Variants in CALN1 observed in about 807,000 individuals in gnomAD.
The protein encoded by CALN1 is calcium-binding protein 8.
Under a neutral mutation model 30.6 loss-of-function variants are expected in CALN1, and 17 were observed. That is an observed-to-expected ratio of 0.56 (90% CI 0.38 to 0.83). CALN1 has a LOEUF of 0.83. Among genes scored for constraint, CALN1 ranks in the 40% least tolerant of loss-of-function variants. The pLI, the probability that CALN1 is intolerant of heterozygous loss-of-function variation, is 0.00. For synonymous variants in CALN1, 156 were observed against 131.4 expected (o/e 1.19, Z -1.28); for missense variants, 291 against 354.9 (o/e 0.82, Z 1.45).
intron 1 of CALN1, among the ~76,000 whole-genome samples, chr7:72,406,830 G>A (rs1214059436): frequency 2.6e-5 from 4 of 151,918 alleles, no homozygotes; most frequent in African/African-American, 9.7e-5. Context: ...TGGCCAGGCT[G>A]GTCTTGAACT....
chr7:72,083,022 G>A (rs964884289), intron 4 of CALN1, among the ~76,000 whole-genome samples: 11 of 151,946 alleles, frequency 7.2e-5, no homozygotes, highest in East Asian at 1.9e-4. Context: ...CCAACTTGGC[G>A]AAACCCTGTC....
At chr7:71,967,125 C>A (rs1444412753) in intron 5 of CALN1, among the ~76,000 whole-genome samples, 1 of 151,976 alleles carries the variant, frequency 6.6e-6, no homozygotes, top group Non-Finnish European at 1.5e-5. Context: ...AAATATTAAA[C>A]CTAAAACTAT....
At chr7:72,421,520 TTTATC>T (rs1807607356) in intron 1 of CALN1, among the ~76,000 whole-genome samples, 1 of 151,886 alleles carries the variant, frequency 6.6e-6, no homozygotes, top group South Asian at 2.1e-4. Flanking sequence ...TTGTCTTTAT[TTTATC>T]TTATAACAGT....
At chr7:71,886,579 C>T (rs1320531434) in intron 5 of CALN1, among the ~76,000 whole-genome samples, 2 of 152,066 alleles carry the variant, frequency 1.3e-5, no homozygotes, top group African/African-American at 4.8e-5. Context: ...TCGAGACCAG[C>T]CTGGTTAACA....
At chr7:71,951,698 G>C (rs1014706612) in intron 5 of CALN1, among the ~76,000 whole-genome samples, 16 of 152,130 alleles carry the variant, frequency 1.1e-4, no homozygotes, top group African/African-American at 3.9e-4. Flanking sequence ...GTCTGCTATA[G>C]CATCTCTAAA....
At chr7:71,836,603 C>T (rs559583730) in intron 5 of CALN1, among the ~76,000 whole-genome samples, 1 of 150,876 alleles carries the variant, frequency 6.6e-6, no homozygotes, top group African/African-American at 2.4e-5. Flanking sequence ...AAATTCTGTC[C>T]CATTATTTCT....
At chr7:72,092,624 G>GT (rs1805946776) in intron 4 of CALN1, among the ~76,000 whole-genome samples, 3 of 34,090 alleles carry the variant, frequency 8.8e-5, no homozygotes, top group Admixed American at 9.4e-4. Context: ...TTGTATTCTA[G>GT]TAAAAAAAAA....
intron 3 of CALN1, among the ~76,000 whole-genome samples, chr7:72,247,687 T>C (rs1795284270): frequency 6.6e-6 from 1 of 152,208 alleles, no homozygotes; most frequent in Admixed American, 6.5e-5. Flanking sequence ...ACAAAGTTAG[T>C]GGCTTAGAAC....
At chr7:72,358,433 C>A (rs1436061000) in intron 2 of CALN1, among the ~76,000 whole-genome samples, 1 of 150,208 alleles carries the variant, frequency 6.7e-6, no homozygotes, top group Non-Finnish European at 1.5e-5. Context: ...TGTTCTCTCT[C>A]CTCAGCTCTC....
intron 3 of CALN1, among the ~76,000 whole-genome samples, chr7:72,206,597 GTTTA>G (rs1222553103): frequency 1.3e-5 from 2 of 151,758 alleles, no homozygotes; most frequent in East Asian, 3.9e-4. Context: ...CCTTTATTGT[GTTTA>G]TTCTTTTATT....
At position 72,253,113 on chromosome 7, in the gene CALN1, T is replaced by TA. The variant is rs138843639; in HGVS notation, c.244+25572dup. 3.4e-3 allele frequency among the ~76,000 whole-genome samples: 514 copies of TA among 152,198 alleles called. 23 individuals carry two copies. The East Asian group carries it at 0.084, about 25-fold the overall frequency. Reference sequence around the variant, plus strand: ...CCATCCACCCTGTTCTACCTGGACTTAGTCTCTTGGCTGGGTCCTCAGAGG... The same window carrying TA: ...CCATCCACCCTGTTCTACCTGGACTTAAGTCTCTTGGCTGGGTCCTCAGAGG... On this transcript the variant is annotated intron_variant, in intron 3 of 6. Transcript: ENST00000395275.
At chr7:71,937,861 T>C (rs1245674052) in intron 5 of CALN1, among the ~76,000 whole-genome samples, 1 of 152,178 alleles carries the variant, frequency 6.6e-6, no homozygotes, top group Non-Finnish European at 1.5e-5. Context: ...CAATCTATGT[T>C]CCATCACGCA....
At chr7:72,397,912 G>A (rs1339791019) in intron 2 of CALN1, among the ~76,000 whole-genome samples, 3 of 152,248 alleles carry the variant, frequency 2.0e-5, no homozygotes, top group African/African-American at 7.2e-5. Flanking sequence ...ACCCACTGCT[G>A]CATCCTGCTA....
At chr7:72,282,267 G>A (rs898378472) in intron 2 of CALN1, among the ~76,000 whole-genome samples, 4 of 152,148 alleles carry the variant, frequency 2.6e-5, no homozygotes, top group African/African-American at 9.7e-5. Context: ...CTTCTATAGA[G>A]AGCAACAAAC....
intron 5 of CALN1, among the ~76,000 whole-genome samples, chr7:71,868,856 A>G (rs1157318104): frequency 6.6e-6 from 1 of 152,220 alleles, no homozygotes; most frequent in Non-Finnish European, 1.5e-5. Flanking sequence ...AAGAGAATAT[A>G]AAGTGATAAT....
At chr7:72,288,093 C>G (rs930481048) in intron 2 of CALN1, among the ~76,000 whole-genome samples, 3 of 152,118 alleles carry the variant, frequency 2.0e-5, no homozygotes, top group Admixed American at 6.6e-5. Flanking sequence ...CTGGGTGGTT[C>G]TGGCTCAAGG....
rs192172026 is a variant in CALN1, at chr7:72,319,778, G to A, written c.120-40968C>T. Among the ~76,000 whole-genome samples, 4 of 152,250 alleles carry A rather than the reference G, an allele frequency of 2.6e-5. No individual in the cohort carries two copies. The East Asian group carries it at 7.7e-4, about 29-fold the overall frequency. ...GAGATGTCCACTGAAGGCAAGGGGG[G>A]TGGGCCTTGGGAGCTAAATAATGTG... On this transcript the variant is annotated intron_variant, in intron 2 of 6. Transcript: ENST00000395275.
At chr7:72,469,489 T>C in the CALN1 span, among the ~76,000 whole-genome samples, 1 of 152,154 alleles carries the variant, frequency 6.6e-6, no homozygotes, top group African/African-American at 2.4e-5. Flanking sequence ...CTCCACCTCC[T>C]GGGTTCAAGC....
chr7:72,280,358 G>A (rs972164227), intron 2 of CALN1, among the ~76,000 whole-genome samples: 16 of 152,300 alleles, frequency 1.1e-4, no homozygotes, highest in African/African-American at 3.6e-4. Flanking sequence ...CTAACAGCAT[G>A]TACATCCACA....
Sources: gnomAD v4.1 joint callset for allele counts (sites outside exome capture counted in the v4.1 genomes callset) on GRCh38, gnomAD v4.1.1 for gene constraint, MANE v1.5 for transcripts, NCBI Gene and HGNC (gene_info 2026-07-23, HGNC 2026-07-21) for gene names.